Variants in TAF4 observed in about 807,000 individuals in gnomAD.
The protein encoded by TAF4 is transcription initiation factor TFIID subunit 4.
TAF4 carries 9 observed loss-of-function variants against 90.3 expected under a neutral mutation model. The ratio of observed to expected loss-of-function variants is 0.10; its 90% CI spans 0.06 to 0.17. The LOEUF (loss-of-function observed/expected upper bound fraction) is 0.17, where lower values mean the gene tolerates loss of function less well. TAF4 is among the 10% of genes least tolerant of loss of function. TAF4 has a pLI of 1.00. For missense variants in TAF4, 1,351 were observed against 1,370.7 expected (o/e 0.99, Z 0.23); for synonymous variants, 818 against 638.9 (o/e 1.28, Z -4.23).
At chr20:62,014,971 T>C (rs952443257) in intron 1 of TAF4, among the ~76,000 whole-genome samples, 21 of 152,262 alleles carry the variant, frequency 1.4e-4, no homozygotes, top group African/African-American at 4.6e-4. Flanking sequence ...AGCAAGGCAG[T>C]GTAGCAATGG....
At chr20:62,002,409 T>TC (rs1383246927) in intron 9 of TAF4, among the ~76,000 whole-genome samples, 2 of 152,082 alleles carry the variant, frequency 1.3e-5, no homozygotes, top group Non-Finnish European at 2.9e-5. Context: ...TCCAAGACTC[T>TC]CCCACTGCTC....
chr20:62,045,740 G>C (rs747626551), intron 1 of TAF4, among the ~76,000 whole-genome samples: 1 of 152,218 alleles, frequency 6.6e-6, no homozygotes, highest in Non-Finnish European at 1.5e-5. Context: ...GAGCGCAACA[G>C]ATCTGTGGCG....
At chr20:61,990,774 T>C (rs1372764653) in intron 14 of TAF4, among the ~76,000 whole-genome samples, 1 of 152,168 alleles carries the variant, frequency 6.6e-6, no homozygotes, top group East Asian at 1.9e-4. Context: ...AAAGTCCAGA[T>C]GCTTGGGAGG....
chr20:61,997,607 C>G lies in TAF4; in HGVS notation c.3033G>C (p.Ala1011=). 4.3e-6 allele frequency: 7 copies of G among 1,613,378 alleles called. No homozygotes were observed. Among genetic ancestry groups the G allele is most frequent in the Non-Finnish European group, 5.9e-6 (7 of 1,179,836 alleles). The change falls in exon 14 of 15, where the codon GCG becomes GCC. Residue 1011 remains alanine, a synonymous_variant. Coordinates refer to ENST00000252996, the MANE Select transcript of TAF4 (RefSeq NM_003185.4). Reference sequence around the variant, plus strand: ...CTTTCCTCTTTTTCCTGGGCCCGATCGCTGCTAGTGCTGTGAGGTTGGCGT... The same window carrying G: ...CTTTCCTCTTTTTCCTGGGCCCGATGGCTGCTAGTGCTGTGAGGTTGGCGT... ...QRDANLTALA[A]IGPRKKRKVD... is the part of the protein sequence containing the mutation.
chr20:62,034,042 CAA>C (rs753709978), intron 1 of TAF4, among the ~76,000 whole-genome samples: 29 of 99,108 alleles, frequency 2.9e-4, no homozygotes, highest in Non-Finnish European at 2.5e-4. Context: ...ACTCTGTCTC[CAA>C]AAAAAAAAAA....
chr20:61,994,358 G>A (rs1194862926), intron 14 of TAF4, among the ~76,000 whole-genome samples: 4 of 152,256 alleles, frequency 2.6e-5, no homozygotes, highest in African/African-American at 9.6e-5. Flanking sequence ...GCCAGAGCCC[G>A]TGTTAGCCTT....
chr20:62,026,367 G>C (rs946412910), intron 1 of TAF4, among the ~76,000 whole-genome samples: 2 of 152,194 alleles, frequency 1.3e-5, no homozygotes, highest in Non-Finnish European at 2.9e-5. Context: ...TTTTAACAGA[G>C]TATCTCACTG....
At chr20:61,981,746 CA>C (rs2055542240) in intron 14 of TAF4, among the ~76,000 whole-genome samples, 1 of 151,770 alleles carries the variant, frequency 6.6e-6, no homozygotes, top group Admixed American at 6.6e-5. Context: ...CAAAAGACAG[CA>C]AACCACACCC....
In TAF4 at chr20:62,010,209, C is replaced by A; in HGVS notation, c.1642-44G>T. 6.2e-7 allele frequency: 1 copy of A among 1,612,380 alleles called. No homozygotes were observed. The highest frequency in any genetic ancestry group is 8.5e-7 in the Non-Finnish European group (1 of 1,179,694). Reference sequence around the variant, plus strand: ...ACAAGGTAAGGGCATCTCACGCCACCAGCTGACGAGGGGGAGACCAGCCTC... The same window carrying A: ...ACAAGGTAAGGGCATCTCACGCCACAAGCTGACGAGGGGGAGACCAGCCTC... On this transcript the variant is annotated intron_variant, in intron 3 of 14. Transcript: ENST00000252996. This position sits in a 1 kb window ranked among gnomAD's most constrained non-coding sequence, Gnocchi z 4.5.
intron 14 of TAF4, among the ~76,000 whole-genome samples, chr20:61,987,441 A>C (rs1403950899): frequency 6.6e-6 from 1 of 152,250 alleles, no homozygotes; most frequent in Admixed American, 6.5e-5. Flanking sequence ...TATCCAAAAT[A>C]TACCAAGAAC....
intron 1 of TAF4, among the ~76,000 whole-genome samples, chr20:62,035,702 A>G (rs1360077000): frequency 6.6e-6 from 1 of 152,250 alleles, no homozygotes; most frequent in Non-Finnish European, 1.5e-5. Flanking sequence ...GACAATAGAT[A>G]CATTCAACTA....
At chr20:62,031,708 A>G (rs2145493763) in intron 1 of TAF4, among the ~76,000 whole-genome samples, 1 of 152,282 alleles carries the variant, frequency 6.6e-6, no homozygotes, top group African/African-American at 2.4e-5. Flanking sequence ...GGTTATGAGT[A>G]CTTTTCTTAG....
chr20:61,982,603 C>T (rs2055556331), intron 14 of TAF4, among the ~76,000 whole-genome samples: 4 of 129,378 alleles, frequency 3.1e-5, no homozygotes, highest in Admixed American at 3.0e-4. Context: ...CGAGAGGAGA[C>T]ACCAAACCCA....
At position 62,010,413 on chromosome 20, in the gene TAF4, G is replaced by A. The variant is rs888461906; in HGVS notation, c.1642-248C>T. ...CATGATTTGCACCTGCATCAAAAAC[G>A]GACGTTCACAAAGCCAGGCACTGCA... On this transcript the variant is annotated intron_variant, in intron 3 of 14. Coordinates refer to ENST00000252996, the MANE Select transcript of TAF4 (RefSeq NM_003185.4). The surrounding 1 kb of genome is among the most constrained non-coding windows in gnomAD (Gnocchi z 4.5). 2.0e-5 allele frequency among the ~76,000 whole-genome samples: 3 copies of A among 152,126 alleles called. No homozygotes were observed. The highest frequency in any genetic ancestry group is 2.9e-5 in the Non-Finnish European group (2 of 68,016).
chr20:61,999,259 G>C, intron 11 of TAF4, 151 bp from the exon 12 acceptor site: 1 of 999,672 alleles, frequency 1.0e-6, no homozygotes, highest in South Asian at 1.6e-5. Context: ...CCCTGCAAAT[G>C]CTGCGCCCGA....
chr20:62,033,650 T>A (rs531650890), intron 1 of TAF4, among the ~76,000 whole-genome samples: 2 of 151,842 alleles, frequency 1.3e-5, no homozygotes, highest in South Asian at 4.2e-4. Flanking sequence ...AGCACAAGAA[T>A]TGCTTGAACC....
chr20:61,980,346 G>A (rs572246203), intron 14 of TAF4: 16 of 152,364 alleles, frequency 1.1e-4, no homozygotes, highest in African/African-American at 3.6e-4. Flanking sequence ...CGGGAGGAGC[G>A]CGTCTGCTCC....
intron 14 of TAF4, among the ~76,000 whole-genome samples, chr20:61,976,556 A>G (rs983553864): frequency 1.3e-5 from 2 of 152,210 alleles, no homozygotes; most frequent in African/African-American, 4.8e-5. Context: ...GACAGGGCAC[A>G]CTCAGATGCT....
intron 1 of TAF4, among the ~76,000 whole-genome samples, chr20:62,033,569 T>A (rs560230538): frequency 2.0e-5 from 3 of 152,188 alleles, no homozygotes; most frequent in Non-Finnish European, 2.9e-5. Flanking sequence ...AAACCCCGTC[T>A]CTACTAAAAA....
Sources: gnomAD v4.1 joint callset for allele counts (sites outside exome capture counted in the v4.1 genomes callset) on GRCh38, gnomAD v4.1.1 for gene constraint, Gnocchi (gnomAD v3.1) non-coding constraint, MANE v1.5 for transcripts, NCBI Gene and HGNC (gene_info 2026-07-23, HGNC 2026-07-21) for gene names.